The following NPC1 variants were observed in gnomAD, a reference collection of about 807,000 sequenced individuals.
NPC1 encodes the protein NPC intracellular cholesterol transporter 1.
Under a neutral mutation model 140.4 loss-of-function variants are expected in NPC1, and 85 were observed. The observed-to-expected ratio is 0.61, with a 90% CI of 0.51 to 0.72. The LOEUF (loss-of-function observed/expected upper bound fraction) is 0.72, where lower values mean the gene tolerates loss of function less well. Among genes scored for constraint, NPC1 ranks in the 30% least tolerant of loss-of-function variants. The probability of loss-of-function intolerance (pLI) is 0.00; values close to 1 mark genes in which losing one functional copy is unlikely to be tolerated. For missense variants in NPC1, 1,504 were observed against 1,623.8 expected (o/e 0.93, Z 1.27); for synonymous variants, 656 against 624.8 (o/e 1.05, Z -0.74).
At chr18:23,543,924 G>T (rs967765227) in intron 13 of NPC1, among the ~76,000 whole-genome samples, 5 of 152,122 alleles carry the variant, frequency 3.3e-5, no homozygotes, top group Non-Finnish European at 5.9e-5. Context: ...ACAGCAGCGG[G>T]ACACGTGTTG....
chr18:23,534,002 C>T (rs796768810), intron 23 of NPC1: 13 of 317,882 alleles, frequency 4.1e-5, no homozygotes, highest in African/African-American at 2.8e-4. Context: ...CAGGTGAAAA[C>T]TTAAATATTT....
downstream of NPC1, chr18:23,520,262 C>T (rs763666618): frequency 6.2e-7 from 1 of 1,614,140 alleles, no homozygotes; most frequent in South Asian, 1.1e-5. Context: ...TACCTTCCAC[C>T]ACCCCGTGCT....
chr18:23,583,939 G>A (rs531130190), intron 1 of NPC1, among the ~76,000 whole-genome samples: 1 of 152,238 alleles, frequency 6.6e-6, no homozygotes, highest in South Asian at 2.1e-4. Flanking sequence ...TCACTCACAG[G>A]TCAAAAGATT....
intron 3 of NPC1, among the ~76,000 whole-genome samples, chr18:23,513,250 G>A (rs1464282771): frequency 6.6e-5 from 10 of 152,172 alleles, no homozygotes; most frequent in African/African-American, 1.7e-4. Context: ...CACTGTGTCC[G>A]GCCGAATTTG....
chr18:23,518,485 C>A (rs1397326822), downstream of NPC1, among the ~76,000 whole-genome samples: 2 of 151,560 alleles, frequency 1.3e-5, no homozygotes, highest in South Asian at 2.1e-4. Context: ...CAGAGGGAGA[C>A]CCTGTCTCTG....
chr18:23,568,171 T>C (rs1226063802), intron 4 of NPC1, among the ~76,000 whole-genome samples: 1 of 152,166 alleles, frequency 6.6e-6, no homozygotes, highest in East Asian at 1.9e-4. Flanking sequence ...GACACACGTG[T>C]TACACATCCA....
chr18:23,534,518 T>C lies in NPC1; in HGVS notation c.3519A>G (p.Arg1173=), dbSNP rs775542483. The C allele has an allele frequency of 4.2e-5, 68 of 1,614,014 alleles. 2 individuals are homozygous for C. The South Asian group carries it at 7.4e-4, about 17-fold the overall frequency. ...TGCCTTTCATGCTCACCGTGAACGC[T>C]CTGGTTATGTGGCTGCAGAACTCCA... ...ISVEFCSHIT[R]AFTVSMKGSR... The change falls in exon 23 of 25, where the codon AGA becomes AGG. Residue 1173 remains arginine (R), a synonymous_variant. Coordinates refer to ENST00000269228, the MANE Select transcript of NPC1 (RefSeq NM_000271.5).
intron 6 of NPC1, among the ~76,000 whole-genome samples, chr18:23,557,678 G>A (rs1450990961): frequency 1.3e-5 from 2 of 152,200 alleles, no homozygotes; most frequent in Non-Finnish European, 2.9e-5. Flanking sequence ...GGAGGCGGTG[G>A]TTGCAGTGAG....
chr18:23,532,118 C>T lies in NPC1; in HGVS notation c.*84G>A. ...ATGGTTGGCACCATCCGGTGTTCAA[C>T]TTGGCCTTGCCGATGCAGCACCCGT... is the stretch of plus-strand genomic sequence containing the variant. On this transcript the variant is annotated 3_prime_UTR_variant, in exon 25 of 25. Coordinates refer to ENST00000269228, the MANE Select transcript of NPC1 (RefSeq NM_000271.5). 2.5e-6 allele frequency: 4 copies of T among 1,613,988 alleles called. 1 individual carries two copies. The South Asian group carries it at 4.4e-5, about 18-fold the overall frequency.
At chr18:23,525,456 C>T (rs1598900952), downstream of NPC1, among the ~76,000 whole-genome samples, 2 of 151,388 alleles carry the variant, frequency 1.3e-5, no homozygotes, top group South Asian at 2.1e-4. Flanking sequence ...GACGGAATCT[C>T]GCTTTGTCAC....
intron 17 of NPC1, 147 bp downstream of exon 17, chr18:23,540,301 G>A: frequency 1.5e-6 from 1 of 685,608 alleles, no homozygotes; most frequent in South Asian, 1.7e-5. Flanking sequence ...GCAGTGCACT[G>A]CGACAGTTCT....
In NPC1 at chr18:23,532,169, GAC is replaced by G. The variant is rs369156451; in HGVS notation, c.*31_*32del. The G allele has an allele frequency of 4.1e-4, 660 of 1,614,106 alleles. 2 individuals carry two copies. The African/African-American group carries it at 8.2e-3, about 20-fold the overall frequency. Reference sequence around the variant, plus strand: ...CCAGTGGTAAACCGACCGACCCTTAGACACAGTTCAGTCAGGATGCCCTGCGA... The same window carrying G: ...CCAGTGGTAAACCGACCGACCCTTAGACAGTTCAGTCAGGATGCCCTGCGA... On this transcript the variant is annotated 3_prime_UTR_variant, in exon 25 of 25. Transcript: ENST00000269228.
chr18:23,544,895 AATAT>A, intron 12 of NPC1, 61 bp downstream of exon 12: 1 of 1,205,148 alleles, frequency 8.3e-7, no homozygotes, highest in Non-Finnish European at 1.2e-6. Context: ...AAGAGGCAAA[AATAT>A]GACGTTACAC....
rs2058679322 is a variant in NPC1 at position 23,539,375 on chromosome 18, T to G, written c.2891A>C (p.Asp964Ala). 6.2e-7 allele frequency: 1 copy of G among 1,613,066 alleles called. No individual in the cohort carries two copies. Among genetic ancestry groups the G allele is most frequent in the African/African-American group, 1.3e-5 (1 of 74,934 alleles). Residue 964 changes from aspartate to alanine, a missense_variant, in exon 19 of 25, where the codon GAC (aspartate) becomes GCC (alanine). By Grantham distance (126) the Asp-to-Ala change is moderately radical. Transcript: ENST00000269228. ...GGTACCTGAAGCATTGCAGAACTGG[T>G]CAGTGATATTGTCCACTCGACAGCA... ...SSCCRVDNITDQFCNASVVDP... is the reference protein window; with the variant it reads ...SSCCRVDNITAQFCNASVVDP...
chr18:23,546,510 T>C (rs900232329), intron 11 of NPC1, among the ~76,000 whole-genome samples: 2 of 152,166 alleles, frequency 1.3e-5, no homozygotes, highest in African/African-American at 4.8e-5. Flanking sequence ...GCAATTCTAC[T>C]ACTAGGTATG....
At chr18:23,536,548 C>T in intron 21 of NPC1, 125 bp downstream of exon 21, 1 of 775,224 alleles carries the variant, frequency 1.3e-6, no homozygotes, top group Non-Finnish European at 2.2e-6. Flanking sequence ...CTGCCCTGTG[C>T]TCAGAATGGA....
rs780491021 is a variant in NPC1 at position 23,556,624 on chromosome 18, G to A, written c.956-11C>T. 1.9e-5 allele frequency: 30 copies of A among 1,613,570 alleles called. No homozygotes were observed. Among genetic ancestry groups the A allele is most frequent in the Non-Finnish European group, 2.5e-5 (29 of 1,179,844 alleles). On this transcript the variant is annotated splice_polypyrimidine_tract_variant and intron_variant, in intron 7 of 24. Coordinates refer to ENST00000269228, the MANE Select transcript of NPC1 (RefSeq NM_000271.5). ...AGCAGGACGCCTCTCCTGGAAGAAC[G>A]GGAGAGGAAGGGAAGGTGGAGGTTA...
chr18:23,547,947 G>A (rs1319488330), intron 11 of NPC1, 59 bp downstream of exon 11: 8 of 1,006,600 alleles, frequency 7.9e-6, no homozygotes, highest in Admixed American at 3.4e-5. Context: ...AGTGCTTGCC[G>A]CAAGTGTCTA....
intron 9 of NPC1, among the ~76,000 whole-genome samples, chr18:23,552,093 A>G (rs2058881153): frequency 6.6e-6 from 1 of 152,210 alleles, no homozygotes. Context: ...GGTGTCTCAC[A>G]CAATTACAAC....
Sources: allele counts gnomAD v4.1 joint callset (sites outside exome capture counted in the v4.1 genomes callset), GRCh38; gene constraint gnomAD v4.1.1; transcripts MANE v1.5; gene names NCBI Gene and HGNC (gene_info 2026-07-23, HGNC 2026-07-21).